Variants in DENND4C observed in about 807,000 individuals in gnomAD.
DENND4C encodes the protein DENN domain containing 4C, also known as DENN domain-containing protein 4C.
DENND4C carries 108 observed loss-of-function variants against 203.0 expected under a neutral mutation model. That is an observed-to-expected ratio of 0.53 (90% CI 0.46 to 0.62). The LOEUF is 0.62. Ranked by LOEUF, DENND4C falls within the 20% of genes least tolerant of loss-of-function variation. The probability of loss-of-function intolerance (pLI) is 0.00; values close to 1 mark genes in which losing one functional copy is unlikely to be tolerated. For missense variants in DENND4C, 2,481 were observed against 2,301.2 expected, an observed-to-expected ratio of 1.08 and a Z score of -1.60; for synonymous variants, 871 against 792.4, an observed-to-expected ratio of 1.10 and a Z score of -1.67.
intron 12 of DENND4C, among the ~76,000 whole-genome samples, chr9:19,319,411 T>C (rs4977535): frequency 0.034 from 4,887 of 141,922 alleles, 320 homozygotes; most frequent in African/African-American, 0.12. Flanking sequence ...TATACACACA[T>C]ATATATATAC....
intron 1 of DENND4C, among the ~76,000 whole-genome samples, chr9:19,242,218 A>C (rs1823934783): frequency 6.6e-6 from 1 of 152,174 alleles, no homozygotes; most frequent in Non-Finnish European, 1.5e-5. Context: ...AGCAATATAC[A>C]TTTAAGGGTC....
intron 1 of DENND4C, among the ~76,000 whole-genome samples, chr9:19,255,669 G>T (rs1011710616): frequency 1.3e-5 from 2 of 152,076 alleles, no homozygotes; most frequent in Non-Finnish European, 2.9e-5. Context: ...TAGTTGAAAG[G>T]ATATAACAAT....
intron 23 of DENND4C, among the ~76,000 whole-genome samples, chr9:19,347,357 C>T (rs1190986055): frequency 6.6e-6 from 1 of 152,192 alleles, no homozygotes; most frequent in African/African-American, 2.4e-5. Context: ...TCTTGAACTC[C>T]TCACCTCAGG....
intron 2 of DENND4C, among the ~76,000 whole-genome samples, chr9:19,278,565 C>T (rs770750868): frequency 3.3e-5 from 5 of 152,152 alleles, no homozygotes; most frequent in Admixed American, 6.5e-5. Context: ...CCATGGAAGT[C>T]GGAATCCACG....
chr9:19,294,860 A>G (rs897830744), intron 5 of DENND4C, among the ~76,000 whole-genome samples: 2 of 152,190 alleles, frequency 1.3e-5, no homozygotes, highest in Non-Finnish European at 2.9e-5. Flanking sequence ...GATAGAAAGT[A>G]CAATAGAGAT....
chr9:19,261,792 C>T (rs1829421856), intron 1 of DENND4C, among the ~76,000 whole-genome samples: 1 of 152,036 alleles, frequency 6.6e-6, no homozygotes, highest in South Asian at 2.1e-4. Context: ...ACATGAGCCA[C>T]CATGCCTGGT....
chr9:19,297,969 G>A (rs1195833726), intron 6 of DENND4C, 87 bp from the exon 7 acceptor site: 1 of 1,036,836 alleles, frequency 9.6e-7, no homozygotes, highest in East Asian at 2.6e-5. Flanking sequence ...TATCTGGGAT[G>A]ATATATAGTG....
intron 1 of DENND4C, among the ~76,000 whole-genome samples, chr9:19,253,004 C>G (rs10964068): frequency 6.6e-6 from 1 of 152,202 alleles, no homozygotes; most frequent in African/African-American, 2.4e-5. Context: ...TCCCAAAGTG[C>G]TGGGATTACA....
intron 24 of DENND4C, 22 bp from the exon 25 acceptor site, chr9:19,352,051 T>C: frequency 6.3e-7 from 1 of 1,579,606 alleles, no homozygotes; most frequent in Non-Finnish European, 8.7e-7. Flanking sequence ...CTTAAGGTAT[T>C]ACGATGTATA....
chr9:19,344,068 T>G (rs1822263924), intron 22 of DENND4C, among the ~76,000 whole-genome samples: 1 of 152,236 alleles, frequency 6.6e-6, no homozygotes, highest in Non-Finnish European at 1.5e-5. Context: ...TTCTGATTAA[T>G]TGATATGATT....
intron 10 of DENND4C, among the ~76,000 whole-genome samples, chr9:19,315,155 CAAAAAAAAAA>C (rs10623955): frequency 8.4e-6 from 1 of 119,452 alleles, no homozygotes; most frequent in South Asian, 2.8e-4. Flanking sequence ...GACTCCGTCT[CAAAAAAAAAA>C]AAAAAAAGAA....
At chr9:19,315,486 T>C (rs1841630997) in intron 10 of DENND4C, among the ~76,000 whole-genome samples, 1 of 149,794 alleles carries the variant, frequency 6.7e-6, no homozygotes, top group Admixed American at 6.7e-5. Context: ...TCTTATATTC[T>C]TGGAATATAT....
chr9:19,331,874 G>C (rs1819291807), intron 16 of DENND4C, 104 bp from the exon 17 acceptor site: 1 of 1,065,614 alleles, frequency 9.4e-7, no homozygotes, highest in African/African-American at 1.6e-5. Flanking sequence ...CTTGATTTTA[G>C]GGGGTCAAGT....
intron 8 of DENND4C, among the ~76,000 whole-genome samples, chr9:19,299,954 A>G (rs1453269610): frequency 1.3e-5 from 2 of 152,092 alleles, no homozygotes; most frequent in Non-Finnish European, 2.9e-5. Context: ...TCTGAGCTCA[A>G]CTCAAATGGC....
chr9:19,276,341 C>T lies in DENND4C; in HGVS notation c.167C>T (p.Thr56Ile). The change falls in exon 2 of 33, where the codon ACA (threonine) becomes ATA (isoleucine). Residue 56 changes from threonine to isoleucine, a missense_variant. By Grantham distance (89) the Thr-to-Ile change is moderately conservative. This residue lies in a region of DENND4C where 187 missense variants were observed against 167.4 expected (regional missense o/e 1.12). Coordinates refer to ENST00000434457, the MANE Select transcript of DENND4C (RefSeq NM_001330640.2). ...IAIIIKSAGE[T>I]VPEGYTCVEA... ...ATTATTATCAAATCAGCTGGAGAAA[C>T]AGTACCTGAAGGTTACACCTGTGTA... is the stretch of plus-strand genomic sequence containing the variant. 8.1e-7 allele frequency: 1 copy of T among 1,232,112 alleles called. No homozygotes were observed. The highest frequency in any genetic ancestry group is 3.2e-5 in the East Asian group (1 of 31,696). The allele number at this position is 1,232,112 out of a possible 1,614,324, so 76.3% of individuals were successfully genotyped here. A position where few individuals can be genotyped will look rare whatever the true frequency, so the allele number is the denominator to read the frequency against.
At chr9:19,302,697 C>T (rs1251700215) in intron 9 of DENND4C, among the ~76,000 whole-genome samples, 1 of 152,182 alleles carries the variant, frequency 6.6e-6, no homozygotes, top group Non-Finnish European at 1.5e-5. Flanking sequence ...AGTGGCTCTG[C>T]CCTTCAGCAA....
rs770807449 is a variant in DENND4C, at chr9:19,346,577, G to A, written c.3808G>A (p.Asp1270Asn). The A allele has an allele frequency of 8.1e-6, 13 of 1,614,044 alleles. No individual in the cohort carries two copies. In the Admixed American group the frequency reaches 2.0e-4, roughly 25 times the overall value. The part of the protein sequence containing the change: ...CTGGKTPDSE[D>N]KLFSPVIARN... ...AGGAGGAAAAACTCCTGATTCTGAA[G>A]ATAAGTTGTTTTCTCCAGTTATTGC... Residue 1270 changes from aspartate to asparagine, a missense_variant, in exon 23 of 33, where the codon GAT becomes AAT. Coordinates refer to ENST00000434457, the MANE Select transcript of DENND4C (RefSeq NM_001330640.2).
At position 19,351,022 on chromosome 9, in the gene DENND4C, C is replaced by T. The variant is rs561857115; in HGVS notation, c.4495+143C>T. The T allele has an allele frequency of 1.8e-5, 14 of 788,384 alleles. No individual in the cohort carries two copies. In the East Asian group the frequency reaches 3.9e-4, roughly 22 times the overall value. The allele number at this position is 788,384 out of a possible 1,614,324, so 48.8% of individuals were successfully genotyped here. On this transcript the variant is annotated intron_variant, in intron 24 of 32. Transcript: ENST00000434457. ...AAGCAATCTGCCTGCCTCGGCCTCC[C>T]AAAGTGCTGGGATTACAAGCGTGAG...
At chr9:19,281,926 T>C (rs1834129606) in intron 2 of DENND4C, among the ~76,000 whole-genome samples, 1 of 152,118 alleles carries the variant, frequency 6.6e-6, no homozygotes, top group African/African-American at 2.4e-5. Context: ...GCATAAAAAA[T>C]AAGTCACACC....
Sources: allele counts gnomAD v4.1 joint callset (sites outside exome capture counted in the v4.1 genomes callset), GRCh38; gene constraint gnomAD v4.1.1; regional missense constraint gnomAD v4.1.1; transcripts MANE v1.5; gene names NCBI Gene and HGNC (gene_info 2026-07-23, HGNC 2026-07-21).